The following MYOM2 variants were observed in gnomAD, a reference collection of about 807,000 sequenced individuals.
MYOM2 encodes myomesin 2.
MYOM2 carries 254 observed loss-of-function variants against 187.6 expected under a neutral mutation model. That is an observed-to-expected ratio of 1.35 (90% CI 1.22 to 1.50). MYOM2 has a LOEUF of 1.50. Among genes scored for constraint, MYOM2 ranks in the 40% most tolerant of loss-of-function variants. The probability of loss-of-function intolerance (pLI) is 0.00; values close to 1 mark genes in which losing one functional copy is unlikely to be tolerated. For synonymous variants in MYOM2, 981 were observed against 753.8 expected (o/e 1.30, Z -4.94); for missense variants, 2,796 against 1,924.0 (o/e 1.45, Z -8.48).
At chr8:2,075,809 G>C (rs1819396021) in intron 10 of MYOM2, among the ~76,000 whole-genome samples, 1 of 152,172 alleles carries the variant, frequency 6.6e-6, no homozygotes, top group Admixed American at 6.5e-5. Flanking sequence ...TATTGTCACT[G>C]TTTCATCCGC....
rs767372495 is a variant in MYOM2, at chr8:2,085,325, G to C, written c.1579G>C (p.Val527Leu). ...VHASEISRNY[V>L]VLSWEPPTPR... ...CGCTTCCGAGATCAGCAGAAACTAT[G>C]TCGTCCTCAGCTGGGAGCCACCCAC... is the stretch of plus-strand genomic sequence containing the variant. Residue 527 changes from valine (V) to leucine (L), a missense_variant, in exon 14 of 37, where the codon GTC (valine) becomes CTC (leucine). Transcript: ENST00000262113. 1 of 1,614,000 alleles carries C rather than the reference G, an allele frequency of 6.2e-7. No individual in the cohort carries two copies. Among genetic ancestry groups the C allele is most frequent in the Non-Finnish European group, 8.5e-7 (1 of 1,180,014 alleles).
Position 2,101,032 on chromosome 8 carries a change from C to T in MYOM2, c.2597C>T (p.Thr866Ile). 6.2e-7 allele frequency: 1 copy of T among 1,614,048 alleles called. No homozygotes were observed. The highest frequency in any genetic ancestry group is 8.5e-7 in the Non-Finnish European group (1 of 1,180,014). The change falls in exon 20 of 37, where the codon ACA becomes ATA. Residue 866 changes from threonine to isoleucine, a missense_variant. Transcript: ENST00000262113. ...GAGTGGATCACTGTCAATCAGACGA[C>T]AACAGCCAGCCGTTATTTAAAGGTA... ...AGEWITVNQT[T>I]TASRYLKVSD...
At chr8:2,137,338 G>A (rs1446989334) in intron 32 of MYOM2, among the ~76,000 whole-genome samples, 2 of 151,942 alleles carry the variant, frequency 1.3e-5, no homozygotes, top group African/African-American at 4.8e-5. Context: ...AGAGCATTTC[G>A]TGCAGGATGC....
chr8:2,124,044 T>G, intron 30 of MYOM2, 135 bp from the exon 31 acceptor site: 3 of 874,186 alleles, frequency 3.4e-6, no homozygotes, highest in South Asian at 3.4e-5. Context: ...CTTTTATGGA[T>G]AAATATTGCC....
At chr8:2,078,648 T>C in intron 11 of MYOM2, 86 bp from the exon 12 acceptor site, 4 of 1,191,892 alleles carry the variant, frequency 3.4e-6, no homozygotes, top group Non-Finnish European at 4.9e-6. Flanking sequence ...TTATAATCAG[T>C]GTGTGCATAT....
Position 2,086,333 on chromosome 8 carries a change from C to A in MYOM2, c.1644+943C>A, listed in dbSNP as rs1418593188. On this transcript the variant is annotated intron_variant, in intron 14 of 36. Coordinates refer to ENST00000262113, the MANE Select transcript of MYOM2 (RefSeq NM_003970.4). ...CCACAGTCGTGATCTCTGCGTGGCC[C>A]CCCACTGTTGTGATCTCTGCGTGGC... Among the ~76,000 whole-genome samples, 20 of 5,510 alleles carry A rather than the reference C, an allele frequency of 3.6e-3. 3 individuals carry two copies. The East Asian group carries it at 0.34, about 94-fold the overall frequency. The allele number at this position is 5,510 out of a possible 152,430, so 3.6% of individuals were successfully genotyped here.
At chr8:2,062,295 C>G (rs1030511575) in intron 6 of MYOM2, among the ~76,000 whole-genome samples, 1 of 152,336 alleles carries the variant, frequency 6.6e-6, no homozygotes, top group South Asian at 2.1e-4. Flanking sequence ...TAACATTGAC[C>G]TCTAGAGGAT....
chr8:2,106,712 C>T, intron 23 of MYOM2, 115 bp downstream of exon 23: 1 of 761,666 alleles, frequency 1.3e-6, no homozygotes, highest in Non-Finnish European at 2.1e-6. Context: ...TTGCAGGAGG[C>T]TGGCGGTGGG....
At position 2,050,478 on chromosome 8, in the gene MYOM2, A is replaced by G. The variant is rs192209770; in HGVS notation, c.-12-277A>G. ...TTGCCCTGAACACACCAGGGGTTCTAGGAATACTTGTTGAGTTCACAATGA... is the reference window on the plus strand; with the variant it reads ...TTGCCCTGAACACACCAGGGGTTCTGGGAATACTTGTTGAGTTCACAATGA... On this transcript the variant is annotated intron_variant, in intron 1 of 36. Transcript: ENST00000262113. Among the ~76,000 whole-genome samples, 8 of 152,332 alleles carry G rather than the reference A, an allele frequency of 5.3e-5. No homozygotes were observed. In the East Asian group the frequency reaches 1.5e-3, roughly 29 times the overall value.
chr8:2,058,831 A>C (rs1017080330), intron 5 of MYOM2, among the ~76,000 whole-genome samples: 2 of 152,190 alleles, frequency 1.3e-5, no homozygotes, highest in African/African-American at 4.8e-5. Flanking sequence ...ACTGCAGCTT[A>C]AGTAGGCGGG....
chr8:2,140,384 G>C (rs1798232268), intron 32 of MYOM2, among the ~76,000 whole-genome samples: 1 of 59,718 alleles, frequency 1.7e-5, no homozygotes, highest in Non-Finnish European at 3.1e-5. Context: ...CAATTCTTCG[G>C]ATCTACACAA....
chr8:2,105,539 T>C (rs1796860315), intron 21 of MYOM2, among the ~76,000 whole-genome samples: 1 of 152,158 alleles, frequency 6.6e-6, no homozygotes, highest in Non-Finnish European at 1.5e-5. Context: ...GGTGGGCACA[T>C]GGCTGCTGGG....
chr8:2,125,604 C>T (rs1309096038), intron 31 of MYOM2, among the ~76,000 whole-genome samples: 6 of 89,302 alleles, frequency 6.7e-5, no homozygotes, highest in Admixed American at 3.3e-4. Context: ...ATTATTTTTC[C>T]TTTTTTTTTT....
chr8:2,126,661 G>C (rs962109053), intron 31 of MYOM2, among the ~76,000 whole-genome samples: 4 of 151,478 alleles, frequency 2.6e-5, no homozygotes, highest in African/African-American at 9.7e-5. Context: ...AGCACCGGGA[G>C]AGGCTGATGG....
chr8:2,132,873 G>C (rs34071132), intron 32 of MYOM2, among the ~76,000 whole-genome samples: 21,102 of 152,018 alleles, frequency 0.14, 2,585 homozygotes, highest in African/African-American at 0.31. Flanking sequence ...AGGAGAGGTG[G>C]CTGCCTGACA....
At chr8:2,099,350 T>G (rs553452753) in intron 19 of MYOM2, among the ~76,000 whole-genome samples, 1 of 152,122 alleles carries the variant, frequency 6.6e-6, no homozygotes, top group African/African-American at 2.4e-5. Flanking sequence ...GCAGAGAGGG[T>G]CACAGGTGGA....
Position 2,144,753 on chromosome 8 carries a change from C to T in MYOM2, c.4170C>T (p.His1390=), listed in dbSNP as rs1798398121. 1 of 1,614,102 alleles carries T rather than the reference C, an allele frequency of 6.2e-7. No homozygotes were observed. The highest frequency in any genetic ancestry group is 1.3e-5 in the African/African-American group (1 of 74,938). ...KNDQDIQLSE[H]FSVKVEQAKY... Reference sequence around the variant, plus strand: ...ACCAGGACATCCAGCTCAGCGAGCACTTCTCGGTGAAGGTGGAGCAGGCCA... The same window carrying T: ...ACCAGGACATCCAGCTCAGCGAGCATTTCTCGGTGAAGGTGGAGCAGGCCA... Residue 1390 remains histidine, a synonymous_variant, in exon 37 of 37, where the codon CAC becomes CAT. Coordinates refer to ENST00000262113, the MANE Select transcript of MYOM2 (RefSeq NM_003970.4).
At chr8:2,091,200 G>C (rs1020880672) in intron 15 of MYOM2, among the ~76,000 whole-genome samples, 4 of 151,396 alleles carry the variant, frequency 2.6e-5, no homozygotes, top group South Asian at 4.2e-4. Context: ...TTTAATTAAT[G>C]CTTTTTTAAA....
intron 14 of MYOM2, among the ~76,000 whole-genome samples, chr8:2,087,055 C>T (rs1219221690): frequency 6.6e-6 from 1 of 152,118 alleles, no homozygotes; most frequent in Non-Finnish European, 1.5e-5. Context: ...TCACCCAGCA[C>T]ACATTCTCTT....
Sources: gnomAD v4.1 joint callset for allele counts (sites outside exome capture counted in the v4.1 genomes callset) on GRCh38, gnomAD v4.1.1 for gene constraint, MANE v1.5 for transcripts, NCBI Gene and HGNC (gene_info 2026-07-23, HGNC 2026-07-21) for gene names.